STX8: variants seen among roughly 807,000 people sequenced by gnomAD.
STX8 encodes the protein syntaxin 8.
In STX8, 23 loss-of-function variants were observed where a neutral mutation model predicts 37.5. The observed-to-expected ratio is 0.61, with a 90% CI of 0.44 to 0.87. The LOEUF (loss-of-function observed/expected upper bound fraction) is 0.87. STX8 is among the 40% of genes least tolerant of loss of function. The pLI, the probability that STX8 is intolerant of heterozygous loss-of-function variation, is 0.00. For synonymous variants in STX8, 115 were observed against 99.1 expected (o/e 1.16, Z -0.95); for missense variants, 313 against 284.7 (o/e 1.10, Z -0.71).
chr17:9,347,316 C>T (rs976322783), intron 7 of STX8, among the ~76,000 whole-genome samples: 1 of 152,094 alleles, frequency 6.6e-6, no homozygotes, highest in African/African-American at 2.4e-5. Flanking sequence ...TGCTCAATAC[C>T]ATAAAGCTCC....
At chr17:9,406,780 C>A (rs373331631) in intron 6 of STX8, among the ~76,000 whole-genome samples, 177 of 152,188 alleles carry the variant, frequency 1.2e-3, no homozygotes, top group African/African-American at 4.0e-3. Flanking sequence ...CAAATTGTCA[C>A]AAATCTCCAA....
At chr17:9,573,109 C>T (rs892696516) in intron 1 of STX8, among the ~76,000 whole-genome samples, 13 of 113,696 alleles carry the variant, frequency 1.1e-4, no homozygotes, top group African/African-American at 4.6e-4. Context: ...ACCATCTGAA[C>T]GGACCCCTAC....
At chr17:9,290,182 G>A (rs1396364530) in intron 7 of STX8, among the ~76,000 whole-genome samples, 2 of 152,150 alleles carry the variant, frequency 1.3e-5, no homozygotes, top group Non-Finnish European at 2.9e-5. Context: ...GGGGTGTAGG[G>A]GAAGGAAGGT....
At chr17:9,499,492 G>A (rs7207365) in intron 5 of STX8, among the ~76,000 whole-genome samples, 99,546 of 151,966 alleles carry the variant, frequency 0.66, 33,862 homozygotes, top group Middle Eastern at 0.83. Flanking sequence ...TCCGCCTCCC[G>A]AGTTCAAGCC....
chr17:9,282,137 T>C (rs1907909526), intron 7 of STX8, among the ~76,000 whole-genome samples: 1 of 151,694 alleles, frequency 6.6e-6, no homozygotes, highest in African/African-American at 2.4e-5. Flanking sequence ...ACATGTTTTG[T>C]TTTGTTTTGT....
intron 7 of STX8, 126 bp downstream of exon 7, chr17:9,378,426 C>G: frequency 1.3e-6 from 1 of 762,638 alleles, no homozygotes; most frequent in Non-Finnish European, 2.2e-6. Context: ...AGTGCTTCAT[C>G]AAATGGAACT....
intron 6 of STX8, among the ~76,000 whole-genome samples, chr17:9,427,716 A>C (rs1913689850): frequency 6.6e-6 from 1 of 152,120 alleles, no homozygotes; most frequent in African/African-American, 2.4e-5. Flanking sequence ...GCCAGGAGCT[A>C]TGTTAAGGTG....
intron 7 of STX8, among the ~76,000 whole-genome samples, chr17:9,271,984 A>AAGC (rs1907483242): frequency 6.6e-6 from 1 of 152,096 alleles, no homozygotes; most frequent in Non-Finnish European, 1.5e-5. Context: ...CCTGGGGGCA[A>AAGC]AGCAGGTACC....
In STX8 at chr17:9,323,587, G is replaced by A. The variant is rs750054040; in HGVS notation, c.643+54965C>T. ...ACGGTGGGATCACGGTGGGATCACC[G>A]AATGCCTCTCTGTACAAGGCACCGT... On this transcript the variant is annotated intron_variant, in intron 7 of 7. Transcript: ENST00000306357. Among the ~76,000 whole-genome samples, 7 of 151,518 alleles carry A rather than the reference G, an allele frequency of 4.6e-5. No individual in the cohort carries two copies. In the East Asian group the frequency reaches 5.8e-4, roughly 13 times the overall value.
chr17:9,451,995 C>A (rs1905056212), intron 6 of STX8, among the ~76,000 whole-genome samples: 1 of 152,180 alleles, frequency 6.6e-6, no homozygotes, highest in South Asian at 2.1e-4. Flanking sequence ...TTATTGCAAT[C>A]TCTCTTAATA....
chr17:9,318,127 A>T (rs933626270), intron 7 of STX8, among the ~76,000 whole-genome samples: 12 of 152,096 alleles, frequency 7.9e-5, no homozygotes, highest in African/African-American at 2.2e-4. Flanking sequence ...CACAGAAATA[A>T]TTTTTTTTAA....
chr17:9,572,762 G>A (rs569679748), intron 1 of STX8, among the ~76,000 whole-genome samples: 11 of 152,014 alleles, frequency 7.2e-5, no homozygotes, highest in South Asian at 6.2e-4. Context: ...CCTAATCAGC[G>A]ACCCATTTTG....
At chr17:9,415,663 GGAGGCTGAGGCAA>G (rs1913163612) in intron 6 of STX8, among the ~76,000 whole-genome samples, 1 of 152,158 alleles carries the variant, frequency 6.6e-6, no homozygotes, top group African/African-American at 2.4e-5. Flanking sequence ...CAGCTACTCA[GGAGGCTGAGGCAA>G]GAGAATGGCG....
intron 6 of STX8, among the ~76,000 whole-genome samples, chr17:9,469,595 G>T (rs1012932410): frequency 2.0e-5 from 3 of 152,114 alleles, no homozygotes; most frequent in Non-Finnish European, 4.4e-5. Flanking sequence ...AACACAACCA[G>T]TTCTTCTTCC....
chr17:9,327,193 GGAAGA>G (rs1159224161), intron 7 of STX8, among the ~76,000 whole-genome samples: 106 of 142,664 alleles, frequency 7.4e-4, no homozygotes, highest in African/African-American at 2.8e-3. Context: ...GGAAGAAGAA[GGAAGA>G]AGGAAGAAGG....
intron 7 of STX8, among the ~76,000 whole-genome samples, chr17:9,256,164 A>G (rs1035275809): frequency 6.6e-6 from 1 of 152,182 alleles, no homozygotes; most frequent in Non-Finnish European, 1.5e-5. Context: ...TGGAAGGTGA[A>G]CTCTCCTACC....
At position 9,486,302 on chromosome 17, in the gene STX8, G is replaced by T. The variant is rs113650411; in HGVS notation, c.541+5527C>A. On this transcript the variant is annotated intron_variant, in intron 6 of 7. Transcript: ENST00000306357. Reference sequence around the variant, plus strand: ...GAGCCTGGGACATTTTATGCTTCCAGAAAGCAAGGAATTGCTCATAGATTG... The same window carrying T: ...GAGCCTGGGACATTTTATGCTTCCATAAAGCAAGGAATTGCTCATAGATTG... Among the ~76,000 whole-genome samples the T allele has an allele frequency of 6.9e-4, 105 of 152,288 alleles. 1 individual carries two copies. Among genetic ancestry groups the T allele is most frequent in the African/African-American group, 2.4e-3 (101 of 41,562 alleles).
intron 3 of STX8, among the ~76,000 whole-genome samples, chr17:9,549,850 G>C (rs561954993): frequency 6.6e-6 from 1 of 152,302 alleles, no homozygotes; most frequent in Admixed American, 6.5e-5. Context: ...CAGCATGTAT[G>C]TGGACAGGTG....
At chr17:9,358,762 G>T (rs969857948) in intron 7 of STX8, among the ~76,000 whole-genome samples, 1 of 152,158 alleles carries the variant, frequency 6.6e-6, no homozygotes, top group Non-Finnish European at 1.5e-5. Flanking sequence ...ATGATAAATA[G>T]AGAGGACAGT....
Sources: allele counts gnomAD v4.1 joint callset (sites outside exome capture counted in the v4.1 genomes callset), GRCh38; gene constraint gnomAD v4.1.1; transcripts MANE v1.5; gene names NCBI Gene and HGNC (gene_info 2026-07-23, HGNC 2026-07-21).